The following PHACTR4 variants were observed in gnomAD, a reference collection of about 807,000 sequenced individuals.
PHACTR4 encodes protein phosphatase 1, regulatory subunit 124.
In PHACTR4, 51 loss-of-function variants were observed where a neutral mutation model predicts 72.7. The observed-to-expected ratio is 0.70, with a 90% CI of 0.56 to 0.89. The LOEUF (loss-of-function observed/expected upper bound fraction) is 0.89, where lower values mean the gene tolerates loss of function less well. PHACTR4 is among the 40% of genes least tolerant of loss of function. The pLI, the probability that PHACTR4 is intolerant of heterozygous loss-of-function variation, is 0.00. For missense variants in PHACTR4, 731 were observed against 861.8 expected, an observed-to-expected ratio of 0.85 and a Z score of 1.90; for synonymous variants, 255 against 302.5, an observed-to-expected ratio of 0.84 and a Z score of 1.63.
At chr1:28,450,871 A>C (rs1272796728) in intron 2 of PHACTR4, among the ~76,000 whole-genome samples, 1 of 146,696 alleles carries the variant, frequency 6.8e-6, no homozygotes, top group African/African-American at 2.5e-5. Context: ...AGTGCAGTGG[A>C]GTTGTCTCAG....
At chr1:28,373,375 C>G (rs1262157417) in intron 1 of PHACTR4, among the ~76,000 whole-genome samples, 1 of 152,118 alleles carries the variant, frequency 6.6e-6, no homozygotes, top group African/African-American at 2.4e-5. Flanking sequence ...ACTGCAACCT[C>G]TGCCTCCCGG....
chr1:28,440,520 C>G (rs1379323417), intron 2 of PHACTR4, among the ~76,000 whole-genome samples: 1 of 148,968 alleles, frequency 6.7e-6, no homozygotes, highest in Non-Finnish European at 1.5e-5. Flanking sequence ...CTCAGCCTCC[C>G]GAGTAGCTGA....
chr1:28,382,723 A>G (rs947900104), intron 1 of PHACTR4, among the ~76,000 whole-genome samples: 38 of 152,224 alleles, frequency 2.5e-4, no homozygotes, highest in Admixed American at 3.3e-4. Flanking sequence ...TAATTTTTGT[A>G]TATAGAGTAA....
intron 3 of PHACTR4, 94 bp downstream of exon 3, chr1:28,459,352 C>T: frequency 2.8e-6 from 3 of 1,087,750 alleles, no homozygotes; most frequent in South Asian, 1.7e-5. Flanking sequence ...TTCTGTAGTC[C>T]TCTATTTGAA....
chr1:28,477,088 AT>A (rs761589104), intron 8 of PHACTR4, among the ~76,000 whole-genome samples: 214 of 129,552 alleles, frequency 1.7e-3, no homozygotes, highest in South Asian at 4.8e-3. Flanking sequence ...TATATATATA[AT>A]TTTTTTTTTT....
At chr1:28,384,652 T>G (rs1257372718) in intron 1 of PHACTR4, among the ~76,000 whole-genome samples, 5 of 152,174 alleles carry the variant, frequency 3.3e-5, no homozygotes, top group African/African-American at 9.6e-5. Context: ...CCCAGCACTT[T>G]GGGAGGCCAA....
chr1:28,408,802 A>T (rs576839090), intron 2 of PHACTR4, among the ~76,000 whole-genome samples: 15 of 149,924 alleles, frequency 1.0e-4, no homozygotes, highest in Admixed American at 9.3e-4. Context: ...CAGCCTCCTG[A>T]GTAGCTGGGA....
intron 11 of PHACTR4, 82 bp downstream of exon 11, chr1:28,491,094 C>A: frequency 1.4e-6 from 2 of 1,397,014 alleles, no homozygotes; most frequent in Non-Finnish European, 2.0e-6. Context: ...CACAGCTGGG[C>A]ACAGTGGCTT....
intron 1 of PHACTR4, among the ~76,000 whole-genome samples, chr1:28,406,782 A>G (rs2124278728): frequency 6.6e-6 from 1 of 152,274 alleles, no homozygotes; most frequent in South Asian, 2.1e-4. Flanking sequence ...AGGAGGTTGT[A>G]TATTATACTT....
intron 2 of PHACTR4, among the ~76,000 whole-genome samples, chr1:28,454,684 A>T (rs1353546194): frequency 6.6e-6 from 1 of 152,164 alleles, no homozygotes. Context: ...CCTAATTGGC[A>T]TATTTAGAAC....
intron 7 of PHACTR4, 48 bp from the exon 8 acceptor site, chr1:28,476,036 AGTCCTTTGTCTTAAAAGTCAGTT>A: frequency 1.4e-6 from 2 of 1,435,042 alleles, no homozygotes; most frequent in Non-Finnish European, 1.9e-6. Context: ...TCTTTATTTC[AGTCCTTTGTCTTAAAAGTCAGTT>A]ATCCTCTTCA....
At chr1:28,414,809 A>T (rs1655005879) in intron 2 of PHACTR4, among the ~76,000 whole-genome samples, 1 of 152,158 alleles carries the variant, frequency 6.6e-6, no homozygotes, top group Non-Finnish European at 1.5e-5. Flanking sequence ...ACAGACATTG[A>T]AGATCATGGA....
chr1:28,421,024 G>A (rs1465777065), intron 2 of PHACTR4, among the ~76,000 whole-genome samples: 2 of 152,142 alleles, frequency 1.3e-5, no homozygotes, highest in Non-Finnish European at 2.9e-5. Context: ...GGTCTTGGGT[G>A]TATTTTTGGA....
intron 2 of PHACTR4, among the ~76,000 whole-genome samples, chr1:28,408,668 A>ATT (rs879588059): frequency 6.8e-6 from 1 of 148,006 alleles, no homozygotes; most frequent in Non-Finnish European, 1.5e-5. Flanking sequence ...ATATATATAT[A>ATT]TATTTTTTTT....
At chr1:28,383,095 G>A (rs1031690210) in intron 1 of PHACTR4, among the ~76,000 whole-genome samples, 1 of 152,046 alleles carries the variant, frequency 6.6e-6, no homozygotes, top group East Asian at 1.9e-4. Flanking sequence ...GCCTGGCCTC[G>A]TGCACCATTT....
At chr1:28,478,689 C>T (rs1258601143) in intron 8 of PHACTR4, among the ~76,000 whole-genome samples, 1 of 152,074 alleles carries the variant, frequency 6.6e-6, no homozygotes, top group Non-Finnish European at 1.5e-5. Context: ...CTCTTGACCT[C>T]ATGATCCACC....
intron 12 of PHACTR4, 51 bp from the exon 13 acceptor site, chr1:28,492,964 C>A (rs751383507): frequency 6.8e-7 from 1 of 1,478,450 alleles, no homozygotes; most frequent in South Asian, 1.1e-5. Context: ...AGTTACACTG[C>A]TGTGCAAAGC....
chr1:28,488,847 C>G (rs1279110272), intron 9 of PHACTR4, among the ~76,000 whole-genome samples: 1 of 152,160 alleles, frequency 6.6e-6, no homozygotes, highest in East Asian at 1.9e-4. Context: ...GCCACCAGTT[C>G]GGTCCAAACC....
intron 1 of PHACTR4, among the ~76,000 whole-genome samples, chr1:28,397,656 C>T (rs1212437575): frequency 6.6e-6 from 1 of 150,402 alleles, no homozygotes; most frequent in Non-Finnish European, 1.5e-5. Context: ...CAAAATGAAA[C>T]AAGGAATGAA....
Sources: gnomAD v4.1 joint callset for allele counts (sites outside exome capture counted in the v4.1 genomes callset) on GRCh38, gnomAD v4.1.1 for gene constraint, MANE v1.5 for transcripts, NCBI Gene and HGNC (gene_info 2026-07-23, HGNC 2026-07-21) for gene names.